Variants in ZNF280D observed in about 807,000 individuals in gnomAD.
ZNF280D encodes the protein zinc finger protein 280D, also known as suppressor of hairy wing homolog 4.
ZNF280D carries 39 observed loss-of-function variants against 94.7 expected under a neutral mutation model. The ratio of observed to expected loss-of-function variants is 0.41; its 90% CI spans 0.32 to 0.54. The LOEUF is 0.54. Ranked by LOEUF, ZNF280D falls within the 20% of genes least tolerant of loss-of-function variation. ZNF280D has a pLI of 0.22. For missense variants in ZNF280D, 1,090 were observed against 1,149.3 expected, an observed-to-expected ratio of 0.95 and a Z score of 0.75; for synonymous variants, 398 against 377.6, an observed-to-expected ratio of 1.05 and a Z score of -0.63.
At chr15:56,696,426 G>A (rs966281675) in intron 6 of ZNF280D, among the ~76,000 whole-genome samples, 1 of 152,136 alleles carries the variant, frequency 6.6e-6, no homozygotes, top group Non-Finnish European at 1.5e-5. Context: ...GTAAACTAAG[G>A]TTAGGTGGGG....
At position 56,676,805 on chromosome 15, in the gene ZNF280D, A is replaced by G. The variant is rs781655462; in HGVS notation, c.1275T>C (p.Tyr425=). The G allele has an allele frequency of 4.4e-6, 7 of 1,594,990 alleles. No individual in the cohort carries two copies. In the Admixed American group the frequency reaches 7.0e-5, roughly 16 times the overall value. ...EMPYVCQVCN[Y]RSSSFSDVET... ...CTACATCAGAAAATGATGATGATCT[A>G]TAATTACAAACCTAAAAAAAGAAAG... The change falls in exon 13 of 22, where the codon TAT becomes TAC. Residue 425 remains tyrosine (Y), a synonymous_variant. Coordinates refer to ENST00000267807, the MANE Select transcript of ZNF280D (RefSeq NM_017661.4).
Position 56,669,944 on chromosome 15 carries a change from AT to A in ZNF280D, c.1411-988del. ...TATATATTATATATATATTATATAT[AT>A]ATATTATATATATATATTATATATA... On this transcript the variant is annotated intron_variant, in intron 13 of 21. Coordinates refer to ENST00000267807, the MANE Select transcript of ZNF280D (RefSeq NM_017661.4). Among the ~76,000 whole-genome samples, 2 of 5,194 alleles carry A rather than the reference AT, an allele frequency of 3.9e-4. 1 individual carries two copies. Among genetic ancestry groups the A allele is most frequent in the Non-Finnish European group, 6.4e-4 (2 of 3,116 alleles). The allele number at this position is 5,194 out of a possible 152,430, so 3.4% of individuals were successfully genotyped here.
At chr15:56,714,729 T>C (rs1453668660) in intron 1 of ZNF280D, among the ~76,000 whole-genome samples, 1 of 152,170 alleles carries the variant, frequency 6.6e-6, no homozygotes, top group African/African-American at 2.4e-5. Context: ...GTTAATTCTC[T>C]GAAATTAAGA....
chr15:56,724,444 T>C (rs2058531109), intron 1 of ZNF280D, among the ~76,000 whole-genome samples: 1 of 152,230 alleles, frequency 6.6e-6, no homozygotes, highest in Admixed American at 6.5e-5. Flanking sequence ...CTAACAGTTG[T>C]TGTCACTGCC....
At chr15:56,706,977 C>T (rs1185136230) in intron 3 of ZNF280D, 105 bp downstream of exon 3, 4 of 1,029,462 alleles carry the variant, frequency 3.9e-6, no homozygotes, top group African/African-American at 1.6e-5. Context: ...CAATTTTAAG[C>T]ATTTTTGTTT....
chr15:56,697,292 C>T (rs1212776604), intron 6 of ZNF280D, among the ~76,000 whole-genome samples: 1 of 152,112 alleles, frequency 6.6e-6, no homozygotes, highest in Admixed American at 6.5e-5. Flanking sequence ...TCAAGTGATT[C>T]TCCTGCCTCA....
At chr15:56,633,679 C>T (rs1010821426) in intron 21 of ZNF280D, among the ~76,000 whole-genome samples, 2 of 151,564 alleles carry the variant, frequency 1.3e-5, no homozygotes, top group Non-Finnish European at 2.9e-5. Flanking sequence ...TTAGTAGAGA[C>T]GGGGTTTCAC....
chr15:56,671,482 T>C (rs1229156471), intron 13 of ZNF280D, among the ~76,000 whole-genome samples: 1 of 152,038 alleles, frequency 6.6e-6, no homozygotes, highest in Non-Finnish European at 1.5e-5. Flanking sequence ...GATCAGATGG[T>C]TGTAGGTGTG....
intron 1 of ZNF280D, among the ~76,000 whole-genome samples, chr15:56,709,305 T>C (rs1427868438): frequency 3.3e-5 from 5 of 151,516 alleles, no homozygotes; most frequent in Non-Finnish European, 7.4e-5. Flanking sequence ...AAAACCACAA[T>C]GAGATACCAT....
At chr15:56,701,521 A>C (rs1321773267) in intron 4 of ZNF280D, among the ~76,000 whole-genome samples, 4 of 152,182 alleles carry the variant, frequency 2.6e-5, no homozygotes, top group Admixed American at 2.0e-4. Context: ...ACTACAGGTG[A>C]GTCAAAACAT....
At chr15:56,718,654 C>G (rs1437212897) in intron 1 of ZNF280D, among the ~76,000 whole-genome samples, 2 of 152,118 alleles carry the variant, frequency 1.3e-5, no homozygotes, top group African/African-American at 2.4e-5. Flanking sequence ...TCAAAACTTC[C>G]TCTTCATCCA....
intron 17 of ZNF280D, among the ~76,000 whole-genome samples, chr15:56,657,692 G>C (rs1250500454): frequency 6.6e-6 from 1 of 152,082 alleles, no homozygotes; most frequent in Non-Finnish European, 1.5e-5. Context: ...ATACCCATTA[G>C]GGTGACTATA....
chr15:56,641,785 G>A (rs1455706322), intron 20 of ZNF280D, among the ~76,000 whole-genome samples: 4 of 151,692 alleles, frequency 2.6e-5, no homozygotes, highest in Non-Finnish European at 5.9e-5. Context: ...AATTTTTAAT[G>A]TAAATGCGAT....
At chr15:56,692,655 T>C (rs1308878416) in intron 7 of ZNF280D, among the ~76,000 whole-genome samples, 1 of 152,106 alleles carries the variant, frequency 6.6e-6, no homozygotes, top group African/African-American at 2.4e-5. Flanking sequence ...TAGCACTTTA[T>C]AATCATATTG....
In ZNF280D at chr15:56,631,795, A is replaced by C. The variant is rs144571138; in HGVS notation, c.2643T>G (p.Ile881Met). The C allele has an allele frequency of 1.1e-5, 17 of 1,613,992 alleles. No individual in the cohort carries two copies. In the African/African-American group the frequency reaches 1.9e-4, roughly 18 times the overall value. The change falls in exon 22 of 22, where the codon ATT (isoleucine) becomes ATG (methionine). Residue 881 changes from isoleucine to methionine, a missense_variant. Physicochemically the swap from Ile to Met is conservative, Grantham distance 10. Around this residue, in one of 3 missense-constraint regions of ZNF280D, gnomAD observed 577 missense variants for 568.8 expected, o/e 1.01. Coordinates refer to ENST00000267807, the MANE Select transcript of ZNF280D (RefSeq NM_017661.4). ...SSEARFSSKNIKDLRLASDNV... is the reference protein window; with the variant it reads ...SSEARFSSKNMKDLRLASDNV... Reference sequence around the variant, plus strand: ...TATCTGATGCTAATCGCAAATCCTTAATATTCTTTGAAGAAAATCTGGCTT... The same window carrying C: ...TATCTGATGCTAATCGCAAATCCTTCATATTCTTTGAAGAAAATCTGGCTT...
intron 1 of ZNF280D, among the ~76,000 whole-genome samples, chr15:56,719,962 G>A (rs572353703): frequency 6.6e-5 from 10 of 151,674 alleles, no homozygotes; most frequent in African/African-American, 2.2e-4. Flanking sequence ...CTGGAGGAAG[G>A]TCCTGCCTCC....
chr15:56,642,114 T>G (rs192276085), intron 20 of ZNF280D, among the ~76,000 whole-genome samples: 1 of 151,680 alleles, frequency 6.6e-6, no homozygotes, highest in African/African-American at 2.4e-5. Flanking sequence ...TTAGGTAAAA[T>G]GAACCCATTC....
chr15:56,662,280 A>T (rs1665873008), intron 16 of ZNF280D, among the ~76,000 whole-genome samples: 1 of 152,172 alleles, frequency 6.6e-6, no homozygotes, highest in African/African-American at 2.4e-5. Flanking sequence ...AACTGAACCT[A>T]AAAAATGCTG....
At chr15:56,686,159 G>C (rs1237603859) in intron 9 of ZNF280D, among the ~76,000 whole-genome samples, 1 of 152,106 alleles carries the variant, frequency 6.6e-6, no homozygotes, top group South Asian at 2.1e-4. Flanking sequence ...TTTTATTTTT[G>C]AGACAGTCTC....
Sources: gnomAD v4.1 joint callset for allele counts (sites outside exome capture counted in the v4.1 genomes callset) on GRCh38, gnomAD v4.1.1 for gene constraint, gnomAD v4.1.1 regional missense constraint, MANE v1.5 for transcripts, NCBI Gene and HGNC (gene_info 2026-07-23, HGNC 2026-07-21) for gene names.